CNGB3: variants seen among roughly 807,000 people sequenced by gnomAD.
CNGB3 encodes cyclic nucleotide gated channel subunit beta 3.
In CNGB3, 86 loss-of-function variants were observed where a neutral mutation model predicts 92.8. The observed-to-expected ratio is 0.93, with a 90% CI of 0.78 to 1.11. CNGB3 has a LOEUF of 1.11. Among genes scored for constraint, CNGB3 ranks in the 50% least tolerant of loss-of-function variants. The pLI is 0.00. For missense variants in CNGB3, 1,026 were observed against 956.8 expected (o/e 1.07, Z -0.95); for synonymous variants, 333 against 332.7 (o/e 1.00, Z -0.01).
intron 3 of CNGB3, among the ~76,000 whole-genome samples, chr8:86,693,504 G>A (rs865805459): frequency 7.4e-5 from 11 of 148,956 alleles, no homozygotes; most frequent in Middle Eastern, 3.5e-3. Flanking sequence ...GGGGGATTTG[G>A]CAGGGTCATA....
In CNGB3 at chr8:86,628,934, A is replaced by G. The variant is rs1352335057; in HGVS notation, c.1465T>C (p.Ser489Pro). 1 of 1,613,794 alleles carries G rather than the reference A, an allele frequency of 6.2e-7. No individual in the cohort carries two copies. The highest frequency in any genetic ancestry group is 1.3e-5 in the African/African-American group (1 of 74,902). ...VRTWYEYTWDSQRMLDESDLL... is the reference protein window; with the variant it reads ...VRTWYEYTWDPQRMLDESDLL... The stretch of plus-strand genomic sequence containing the variant: ...CCATGCTTACCTAGCATTCTTTGAG[A>G]GTCCCATGTATATTCATACCAAGTC... The change falls in exon 12 of 18, where the codon TCT (serine) becomes CCT (proline). Residue 489 changes from serine to proline, a missense_variant. By Grantham distance (74) the Ser-to-Pro change is moderately conservative (BLOSUM62 -1). Transcript: ENST00000320005.
intron 2 of CNGB3, 35 bp downstream of exon 2, chr8:86,739,620 G>GTTTTTT (rs78198409): frequency 5.1e-5 from 76 of 1,488,988 alleles, no homozygotes; most frequent in East Asian, 1.9e-4. Context: ...TCACTTTTTA[G>GTTTTTT]TTTTTTTTTT....
chr8:86,664,728 T>C (rs1164357299), intron 6 of CNGB3, among the ~76,000 whole-genome samples: 7 of 152,132 alleles, frequency 4.6e-5, no homozygotes, highest in Non-Finnish European at 1.0e-4. Context: ...ATGTGATGAA[T>C]TTGGCAAGTA....
intron 13 of CNGB3, among the ~76,000 whole-genome samples, chr8:86,625,225 A>G (rs1400587600): frequency 6.6e-6 from 1 of 152,122 alleles, no homozygotes. Flanking sequence ...CACACATTTT[A>G]TGCGTTTATT....
intron 3 of CNGB3, among the ~76,000 whole-genome samples, chr8:86,698,838 C>G (rs562711393): frequency 6.7e-4 from 102 of 152,246 alleles, no homozygotes; most frequent in African/African-American, 2.3e-3. Context: ...ATGATAGATT[C>G]TATTTCACAA....
chr8:86,732,095 C>G (rs1479278416), intron 2 of CNGB3, among the ~76,000 whole-genome samples: 1 of 152,184 alleles, frequency 6.6e-6, no homozygotes, highest in Non-Finnish European at 1.5e-5. Context: ...AGAATCCATC[C>G]TATCCACATT....
At chr8:86,675,990 G>T (rs1823959972) in intron 3 of CNGB3, among the ~76,000 whole-genome samples, 1 of 152,160 alleles carries the variant, frequency 6.6e-6, no homozygotes, top group African/African-American at 2.4e-5. Flanking sequence ...TTGGGGTAAA[G>T]TGGTGGGGTT....
intron 14 of CNGB3, among the ~76,000 whole-genome samples, chr8:86,607,774 A>AT (rs1321903637): frequency 2.6e-5 from 4 of 152,174 alleles, no homozygotes; most frequent in Non-Finnish European, 5.9e-5. Context: ...CATCCTGGGG[A>AT]TTAAGTAGGT....
intron 13 of CNGB3, among the ~76,000 whole-genome samples, chr8:86,616,071 G>A (rs1191929509): frequency 3.3e-5 from 5 of 152,168 alleles, no homozygotes; most frequent in African/African-American, 4.8e-5. Flanking sequence ...CCTGAACATA[G>A]ATAAGCAAAC....
At chr8:86,642,320 T>G (rs1823205204) in intron 10 of CNGB3, among the ~76,000 whole-genome samples, 1 of 151,814 alleles carries the variant, frequency 6.6e-6, no homozygotes, top group Non-Finnish European at 1.5e-5. Flanking sequence ...TTTTAGTCAA[T>G]TTTTAGATAA....
intron 13 of CNGB3, among the ~76,000 whole-genome samples, chr8:86,623,314 T>A (rs535071400): frequency 1.3e-5 from 2 of 152,322 alleles, no homozygotes; most frequent in South Asian, 4.1e-4. Flanking sequence ...GTTTTTGTGC[T>A]GATATTAAAA....
intron 3 of CNGB3, among the ~76,000 whole-genome samples, chr8:86,715,474 G>T (rs781020223): frequency 1.3e-5 from 2 of 152,030 alleles, no homozygotes; most frequent in Non-Finnish European, 2.9e-5. Flanking sequence ...CCCTAAAGAA[G>T]CCCCATCCCT....
At chr8:86,602,186 C>T (rs985594333) in intron 15 of CNGB3, among the ~76,000 whole-genome samples, 6 of 152,004 alleles carry the variant, frequency 3.9e-5, no homozygotes, top group African/African-American at 1.4e-4. Context: ...GCAAGGACTC[C>T]CAGGAAGGAA....
chr8:86,682,181 A>AT lies in CNGB3; in HGVS notation c.339-11084dup, dbSNP rs113357374. 4.2e-3 allele frequency among the ~76,000 whole-genome samples: 646 copies of AT among 152,270 alleles called. 6 individuals are homozygous for AT. Among genetic ancestry groups the AT allele is most frequent in the African/African-American group, 0.015 (615 of 41,542 alleles). ...TTTTGGAACCACATGCTGAAGAGAC[A>AT]TATGCTATTTCCACAGGTCGGGCTG... On this transcript the variant is annotated intron_variant, in intron 3 of 17. Transcript: ENST00000320005.
At chr8:86,580,195 G>C (rs540063512) in intron 15 of CNGB3, among the ~76,000 whole-genome samples, 7 of 150,150 alleles carry the variant, frequency 4.7e-5, no homozygotes, top group Middle Eastern at 3.2e-3. Flanking sequence ...TAGCACGGGG[G>C]GGGTGGCGGG....
intron 15 of CNGB3, chr8:86,593,635 G>T (rs900753032): frequency 1.0e-5 from 5 of 485,650 alleles, no homozygotes; most frequent in African/African-American, 9.8e-5. Flanking sequence ...GGGCGAGTGG[G>T]GTTCCCCACT....
intron 3 of CNGB3, among the ~76,000 whole-genome samples, chr8:86,680,929 T>A (rs375293838): frequency 6.6e-6 from 1 of 152,136 alleles, no homozygotes; most frequent in African/African-American, 2.4e-5. Flanking sequence ...ATTATCACCA[T>A]GTGCTAATAC....
intron 6 of CNGB3, among the ~76,000 whole-genome samples, chr8:86,662,555 A>G (rs1025831655): frequency 2.0e-5 from 3 of 152,222 alleles, no homozygotes; most frequent in Non-Finnish European, 4.4e-5. Flanking sequence ...TTCAATCTTC[A>G]TAATAGGTTT....
chr8:86,611,500 A>C (rs751218723), intron 14 of CNGB3, 88 bp downstream of exon 14: 20 of 1,021,070 alleles, frequency 2.0e-5, no homozygotes, highest in Non-Finnish European at 3.1e-5. Context: ...ACCCTGAACA[A>C]ATTTTGTTTA....
Sources: gnomAD v4.1 joint callset for allele counts (sites outside exome capture counted in the v4.1 genomes callset) on GRCh38, gnomAD v4.1.1 for gene constraint, MANE v1.5 for transcripts, NCBI Gene and HGNC (gene_info 2026-07-23, HGNC 2026-07-21) for gene names.